The following GPHN variants were observed in gnomAD, a reference collection of about 807,000 sequenced individuals.
The protein encoded by GPHN is gephyrin.
GPHN carries 17 observed loss-of-function variants against 95.5 expected under a neutral mutation model. That is an observed-to-expected ratio of 0.18 (90% CI 0.12 to 0.27). GPHN has a LOEUF of 0.27. GPHN is among the 10% of genes least tolerant of loss of function. The probability of loss-of-function intolerance (pLI) is 1.00; values close to 1 mark genes in which losing one functional copy is unlikely to be tolerated. For synonymous variants in GPHN, 320 were observed against 322.5 expected (o/e 0.99, Z 0.08); for missense variants, 660 against 978.1 (o/e 0.67, Z 4.34).
chr14:67,463,175 T>C, the GPHN span, among the ~76,000 whole-genome samples: 1 of 152,132 alleles, frequency 6.6e-6, no homozygotes, highest in Non-Finnish European at 1.5e-5. Flanking sequence ...TCCCAGCACT[T>C]TGGGAGGCCG....
the GPHN span, among the ~76,000 whole-genome samples, chr14:67,296,580 T>G: frequency 2.0e-5 from 2 of 100,020 alleles, no homozygotes; most frequent in African/African-American, 8.3e-5. Flanking sequence ...AGTGAAACTC[T>G]GTCTCAAAAA....
chr14:67,439,593 C>CTTTTTTTCT, the GPHN span, among the ~76,000 whole-genome samples: 9 of 109,828 alleles, frequency 8.2e-5, no homozygotes, highest in African/African-American at 2.7e-4. Flanking sequence ...TTCTTTCTTT[C>CTTTTTTTCT]TTCTTTCTTT....
At chr14:67,652,067 C>G in the GPHN span, among the ~76,000 whole-genome samples, 2 of 152,190 alleles carry the variant, frequency 1.3e-5, no homozygotes, top group African/African-American at 2.4e-5. Context: ...AATCCCACCC[C>G]TCCTGCTAGT....
rs140526589 is a variant in GPHN at position 66,909,332 on chromosome 14, G to A, written c.390-6671G>A. 9.1e-4 allele frequency among the ~76,000 whole-genome samples: 138 copies of A among 152,074 alleles called. 1 individual carries two copies. In the East Asian group the frequency reaches 0.023, roughly 25 times the overall value. On this transcript the variant is annotated intron_variant, in intron 5 of 22. Coordinates refer to ENST00000478722, the MANE Select transcript of GPHN (RefSeq NM_020806.5). ...ATTTCTCAATTCATGTTATGAGTCT[G>A]GGATAATCTTATTACAAAACTAGAA... is the stretch of plus-strand genomic sequence containing the variant.
In GPHN at chr14:67,070,715, A is replaced by AATATATATAT. The variant is rs1555482658; in HGVS notation, c.1144+11934_1144+11943dup. On this transcript the variant is annotated intron_variant, in intron 11 of 22. Transcript: ENST00000478722. ...ATCTCAAAAAAAAAAAAAAAAAAAA[A>AATATATATAT]ATATATATATATATCCAATCAGCAT... Among the ~76,000 whole-genome samples the AATATATATAT allele has an allele frequency of 3.4e-3, 271 of 80,578 alleles. 9 individuals are homozygous for AATATATATAT. The highest frequency in any genetic ancestry group is 0.011 in the African/African-American group (86 of 7,942). The allele number at this position is 80,578 out of a possible 152,430, so 52.9% of individuals were successfully genotyped here. A position where few individuals can be genotyped will look rare whatever the true frequency, so the allele number is the denominator to read the frequency against.
chr14:67,014,534 G>A (rs1735505385), intron 9 of GPHN, among the ~76,000 whole-genome samples: 2 of 152,236 alleles, frequency 1.3e-5, no homozygotes, highest in South Asian at 4.2e-4. Context: ...TTCAAGTTGT[G>A]ATTAGGAATG....
chr14:66,591,543 A>G (rs2061649947), intron 1 of GPHN, among the ~76,000 whole-genome samples: 1 of 152,174 alleles, frequency 6.6e-6, no homozygotes, highest in South Asian at 2.1e-4. Flanking sequence ...TCTTGAGTGA[A>G]CTCCCATTCA....
chr14:67,293,145 C>A, the GPHN span, among the ~76,000 whole-genome samples: 1 of 151,936 alleles, frequency 6.6e-6, no homozygotes, highest in East Asian at 1.9e-4. Context: ...GGAAGTTTTC[C>A]TCCTATAAAA....
At chr14:66,535,901 A>G (rs1167560904) in intron 1 of GPHN, among the ~76,000 whole-genome samples, 1 of 152,018 alleles carries the variant, frequency 6.6e-6, no homozygotes, top group Non-Finnish European at 1.5e-5. Flanking sequence ...AATAGTAACT[A>G]TTTTACTTAT....
At chr14:67,321,084 A>T in the GPHN span, 4 of 1,614,002 alleles carry the variant, frequency 2.5e-6, no homozygotes, top group Admixed American at 3.3e-5. Context: ...CGAGACCAAG[A>T]AGTAGCCGGT....
intron 17 of GPHN, among the ~76,000 whole-genome samples, chr14:67,127,866 A>G (rs1158192656): frequency 6.6e-6 from 1 of 152,234 alleles, no homozygotes; most frequent in Non-Finnish European, 1.5e-5. Flanking sequence ...TGTAGAAGAG[A>G]GCAGTGTCAC....
the GPHN span, among the ~76,000 whole-genome samples, chr14:67,299,522 G>A: frequency 3.3e-5 from 5 of 152,140 alleles, no homozygotes; most frequent in Non-Finnish European, 7.4e-5. Flanking sequence ...ACAAGGAAAA[G>A]TGGTATAGCT....
intron 2 of GPHN, among the ~76,000 whole-genome samples, chr14:66,731,761 G>A (rs1206412051): frequency 6.6e-6 from 1 of 152,226 alleles, no homozygotes; most frequent in East Asian, 1.9e-4. Context: ...GCATGTCAGA[G>A]ATCTTGGTGG....
intron 9 of GPHN, among the ~76,000 whole-genome samples, chr14:67,006,944 C>A (rs1594794864): frequency 1.3e-5 from 2 of 152,264 alleles, no homozygotes; most frequent in South Asian, 4.1e-4. Context: ...ACAGCCTCAT[C>A]ATCCAGCATA....
chr14:67,078,463 T>G (rs1406765754), intron 11 of GPHN, among the ~76,000 whole-genome samples: 1 of 152,180 alleles, frequency 6.6e-6, no homozygotes, highest in South Asian at 2.1e-4. Flanking sequence ...CCATTTAAGT[T>G]TGAAGCCTTA....
chr14:67,295,906 CAG>C, the GPHN span, among the ~76,000 whole-genome samples: 2 of 152,046 alleles, frequency 1.3e-5, no homozygotes, highest in Non-Finnish European at 2.9e-5. Flanking sequence ...AGCTTAAAAA[CAG>C]ATGTTCATAG....
chr14:66,931,850 C>T (rs1442798950), intron 8 of GPHN, among the ~76,000 whole-genome samples: 2 of 152,230 alleles, frequency 1.3e-5, no homozygotes, highest in Admixed American at 6.5e-5. Flanking sequence ...TCTGTTACTA[C>T]AGACTTGGTC....
At chr14:67,551,834 A>T in the GPHN span, among the ~76,000 whole-genome samples, 252 of 152,050 alleles carry the variant, frequency 1.7e-3, 1 homozygote, top group African/African-American at 5.7e-3. Context: ...GTGAGCTGGG[A>T]TTGGCCACTC....
At chr14:67,439,995 C>T in the GPHN span, among the ~76,000 whole-genome samples, 3 of 152,156 alleles carry the variant, frequency 2.0e-5, no homozygotes, top group East Asian at 5.8e-4. Context: ...TGTGCCAGCC[C>T]CAGCTAATTT....
Sources: gnomAD v4.1 joint callset for allele counts (sites outside exome capture counted in the v4.1 genomes callset) on GRCh38, gnomAD v4.1.1 for gene constraint, MANE v1.5 for transcripts, NCBI Gene and HGNC (gene_info 2026-07-23, HGNC 2026-07-21) for gene names.